The following ANK2 variants were observed in gnomAD, a reference collection of about 807,000 sequenced individuals.
The protein encoded by ANK2 is ankyrin-2.
ANK2 carries 83 observed loss-of-function variants against 360.5 expected under a neutral mutation model. The observed-to-expected ratio is 0.23, with a 90% CI of 0.19 to 0.28. The LOEUF (loss-of-function observed/expected upper bound fraction) is 0.28. ANK2 is among the 10% of genes least tolerant of loss of function. The pLI is 1.00. For missense variants in ANK2, 4,201 were observed against 4,795.7 expected, an observed-to-expected ratio of 0.88 and a Z score of 3.66; for synonymous variants, 1,740 against 1,759.5, an observed-to-expected ratio of 0.99 and a Z score of 0.28.
At chr4:113,221,874 A>G (rs1237463045) in intron 4 of ANK2, among the ~76,000 whole-genome samples, 1 of 152,254 alleles carries the variant, frequency 6.6e-6, no homozygotes, top group African/African-American at 2.4e-5. Context: ...AGACCCAGAG[A>G]GAATACAGTA....
intron 2 of ANK2, among the ~76,000 whole-genome samples, chr4:113,194,202 A>T (rs2098715224): frequency 6.6e-6 from 1 of 152,246 alleles, no homozygotes; most frequent in South Asian, 2.1e-4. Context: ...TTATGAATTT[A>T]TAATAAGGTG....
chr4:112,706,515 C>T, the ANK2 span, among the ~76,000 whole-genome samples: 1 of 152,028 alleles, frequency 6.6e-6, no homozygotes, highest in African/African-American at 2.4e-5. Context: ...GCAAACTCAT[C>T]CCTCCCACCC....
chr4:113,182,087 G>A (rs189952602), intron 2 of ANK2, among the ~76,000 whole-genome samples: 5 of 152,266 alleles, frequency 3.3e-5, no homozygotes, highest in Admixed American at 3.3e-4. Context: ...GAATTGGTGA[G>A]ACGTGGCTGG....
rs111481010 is a variant in ANK2, at chr4:113,033,416, G to T, written c.21+128902G>T. 3.1e-3 allele frequency among the ~76,000 whole-genome samples: 478 copies of T among 152,032 alleles called. 5 individuals are homozygous for T. Among genetic ancestry groups the T allele is most frequent in the Admixed American group, 5.4e-3 (82 of 15,244 alleles). On this transcript the variant is annotated intron_variant, in intron 2 of 30. Coordinates refer to the ANK2 transcript ENST00000503271. ...ACAAAAAAGCTCAAGGTCTGTAATG[G>T]CATGATAGGGGAAAAGTGCTCTTTA...
chr4:112,808,777 A>T, the ANK2 span, among the ~76,000 whole-genome samples: 14 of 152,348 alleles, frequency 9.2e-5, no homozygotes, highest in Admixed American at 2.0e-4. Flanking sequence ...TCAATGGAAT[A>T]GTTATTTCAG....
At chr4:112,914,165 C>CTT (rs1368323971) in intron 2 of ANK2, among the ~76,000 whole-genome samples, 1 of 152,126 alleles carries the variant, frequency 6.6e-6, no homozygotes, top group Non-Finnish European at 1.5e-5. Flanking sequence ...AAAACTCATG[C>CTT]TTTTAATCAT....
In ANK2 at chr4:113,355,618, G is replaced by A. The variant is rs2095706081; in HGVS notation, c.7000G>A (p.Ala2334Thr). The change falls in exon 38 of 46, where the codon GCA becomes ACA. Residue 2334 changes from alanine to threonine, a missense_variant. Physicochemically the swap from Ala to Thr is moderately conservative, Grantham distance 58 (BLOSUM62 0). This residue lies in a region of ANK2 where 2,642 missense variants were observed against 2,714.5 expected (regional missense o/e 0.97). Coordinates refer to ENST00000357077, the MANE Select transcript of ANK2 (RefSeq NM_001148.6). ...TGATTGCACAGGCAGCTGTAGTGTA[G>A]CATTAGCTAAAGAGACACCTACAGG... ...QDDCTGSCSV[A>T]LAKETPTGLT... 1 of 1,613,924 alleles carries A rather than the reference G, an allele frequency of 6.2e-7. No individual in the cohort carries two copies. Among genetic ancestry groups the A allele is most frequent in the Admixed American group, 1.7e-5 (1 of 59,992 alleles).
In ANK2 at chr4:112,910,957, C is replaced by CTTT. The variant is rs1163828806; in HGVS notation, c.21+6461_21+6463dup. Among the ~76,000 whole-genome samples the CTTT allele has an allele frequency of 3.5e-4, 44 of 125,146 alleles. 1 individual carries two copies. Among genetic ancestry groups the CTTT allele is most frequent in the African/African-American group, 1.2e-3 (41 of 33,274 alleles). 82.1% of individuals were successfully genotyped at this position (125,146 alleles called of 152,430 possible). A position where few individuals can be genotyped will look rare whatever the true frequency, so the allele number is the denominator to read the frequency against. On this transcript the variant is annotated intron_variant, in intron 2 of 30. Transcript: ENST00000503271. ...TTGAAGACTTTTGTTTATTATTTGC[C>CTTT]TTTTTTTTTTTTTTTTTTTTAGATG...
chr4:112,899,077 A>C (rs1023887787), intron 1 of ANK2, among the ~76,000 whole-genome samples: 1 of 152,180 alleles, frequency 6.6e-6, no homozygotes, highest in Non-Finnish European at 1.5e-5. Context: ...ACTCTAACCA[A>C]GTTGATGGGG....
chr4:112,743,287 A>C, the ANK2 span, among the ~76,000 whole-genome samples: 2 of 152,120 alleles, frequency 1.3e-5, no homozygotes, highest in East Asian at 3.9e-4. Context: ...TCATTCTTTT[A>C]ATTATTATTT....
intron 1 of ANK2, among the ~76,000 whole-genome samples, chr4:112,890,767 A>G (rs892731787): frequency 2.0e-5 from 3 of 151,592 alleles, no homozygotes; most frequent in African/African-American, 7.3e-5. Flanking sequence ...GGGTTTTTCC[A>G]TGTTGGTCAG....
chr4:113,234,553 A>G (rs1294369440), intron 5 of ANK2, among the ~76,000 whole-genome samples: 1 of 152,138 alleles, frequency 6.6e-6, no homozygotes, highest in Non-Finnish European at 1.5e-5. Context: ...AAAAAAAATA[A>G]TGTTTTTACA....
intron 1 of ANK2, among the ~76,000 whole-genome samples, chr4:113,085,328 T>A (rs913819707): frequency 2.0e-5 from 3 of 152,136 alleles, no homozygotes; most frequent in Non-Finnish European, 2.9e-5. Flanking sequence ...TTTCTTTTTT[T>A]TTTGAGATGG....
chr4:113,224,712 T>C (rs915640893), intron 4 of ANK2, among the ~76,000 whole-genome samples: 1 of 152,176 alleles, frequency 6.6e-6, no homozygotes, highest in African/African-American at 2.4e-5. Flanking sequence ...TCCATAATCA[T>C]TTTCTACTCT....
chr4:112,913,367 G>A (rs971299804), intron 2 of ANK2, among the ~76,000 whole-genome samples: 1 of 152,070 alleles, frequency 6.6e-6, no homozygotes, highest in Non-Finnish European at 1.5e-5. Flanking sequence ...GTCTCTCTGT[G>A]TTACCTAGGC....
chr4:112,912,795 C>G (rs1429477386), intron 2 of ANK2, among the ~76,000 whole-genome samples: 1 of 152,012 alleles, frequency 6.6e-6, no homozygotes, highest in East Asian at 1.9e-4. Context: ...GGGAGGATAG[C>G]TAGAGCCCAG....
intron 5 of ANK2, among the ~76,000 whole-genome samples, chr4:113,234,819 T>C (rs1303551124): frequency 2.0e-5 from 3 of 152,236 alleles, no homozygotes; most frequent in African/African-American, 4.8e-5. Flanking sequence ...CCCATAATTA[T>C]GGCACTTAGC....
chr4:112,962,372 A>G (rs1482634231), intron 2 of ANK2, among the ~76,000 whole-genome samples: 2 of 152,124 alleles, frequency 1.3e-5, no homozygotes, highest in Non-Finnish European at 2.9e-5. Flanking sequence ...AAGGGACATG[A>G]TGTTATTCTT....
rs11946734 is a variant in ANK2 at position 113,309,660 on chromosome 4, A to G, written c.2549-1595A>G. ...CAGCCTCCCAAGTAGCTGGGAATAC[A>G]GGTGCATGACACCATGACCTGCTAA... On this transcript the variant is annotated intron_variant, in intron 23 of 45. Transcript: ENST00000357077. Among the ~76,000 whole-genome samples the G allele has an allele frequency of 8.8e-3, 1,337 of 152,226 alleles. 13 individuals are homozygous for G. The highest frequency in any genetic ancestry group is 0.03 in the African/African-American group (1,234 of 41,538).
Sources: allele counts gnomAD v4.1 joint callset (sites outside exome capture counted in the v4.1 genomes callset), GRCh38; gene constraint gnomAD v4.1.1; regional missense constraint gnomAD v4.1.1; transcripts MANE v1.5; gene names NCBI Gene and HGNC (gene_info 2026-07-23, HGNC 2026-07-21).